The following CTNNA2 variants were observed in gnomAD, a reference collection of about 807,000 sequenced individuals.
CTNNA2 encodes catenin alpha-2.
Under a neutral mutation model 101.0 loss-of-function variants are expected in CTNNA2, and 42 were observed. The observed-to-expected ratio is 0.42, with a 90% confidence interval of 0.32 to 0.54. CTNNA2 has a LOEUF of 0.54. CTNNA2 is among the 20% of genes least tolerant of loss of function. The probability of loss-of-function intolerance (pLI) is 0.14; values close to 1 mark genes in which losing one functional copy is unlikely to be tolerated. For missense variants in CTNNA2, 871 were observed against 1,223.1 expected (o/e 0.71, Z 4.29); for synonymous variants, 450 against 456.4 (o/e 0.99, Z 0.18).
At chr2:79,295,848 C>G (rs950273224) in intron 2 of CTNNA2, among the ~76,000 whole-genome samples, 1 of 149,434 alleles carries the variant, frequency 6.7e-6, no homozygotes, top group Non-Finnish European at 1.5e-5. Context: ...TAATTATATA[C>G]TCTTTGCCAA....
intron 1 of CTNNA2, among the ~76,000 whole-genome samples, chr2:79,196,427 T>A (rs1196545474): frequency 2.0e-5 from 3 of 152,352 alleles, no homozygotes; most frequent in African/African-American, 7.2e-5. Context: ...TTTACCCATA[T>A]AAATCAGTGT....
intron 6 of CTNNA2, among the ~76,000 whole-genome samples, chr2:79,908,097 T>A (rs1395896623): frequency 6.6e-6 from 1 of 152,204 alleles, no homozygotes; most frequent in Non-Finnish European, 1.5e-5. Context: ...CACTTTGTAA[T>A]AACTTAAGCA....
intron 1 of CTNNA2, among the ~76,000 whole-genome samples, chr2:79,549,461 A>C (rs888597331): frequency 6.6e-6 from 1 of 152,228 alleles, no homozygotes; most frequent in Non-Finnish European, 1.5e-5. Context: ...AGATCCCTTC[A>C]GAGTTCAGTA....
chr2:79,771,950 T>C (rs571957509), intron 3 of CTNNA2, among the ~76,000 whole-genome samples: 1 of 152,266 alleles, frequency 6.6e-6, no homozygotes, highest in East Asian at 1.9e-4. Flanking sequence ...GATGTAACAA[T>C]TTCATATGTT....
chr2:79,676,423 G>A (rs1683188689), intron 2 of CTNNA2, among the ~76,000 whole-genome samples: 1 of 152,168 alleles, frequency 6.6e-6, no homozygotes, highest in East Asian at 1.9e-4. Flanking sequence ...TCTGTATCCA[G>A]TTGAGAGCAG....
chr2:80,005,088 G>C (rs1454834758), intron 7 of CTNNA2, among the ~76,000 whole-genome samples: 3 of 152,146 alleles, frequency 2.0e-5, no homozygotes, highest in African/African-American at 7.2e-5. Context: ...ACCCTAATTG[G>C]GAGGCTGGAA....
chr2:80,465,580 C>T (rs918976289), intron 9 of CTNNA2, among the ~76,000 whole-genome samples: 2 of 152,058 alleles, frequency 1.3e-5, no homozygotes, highest in African/African-American at 2.4e-5. Context: ...AAGCTTTCTG[C>T]GATGCTGGTG....
chr2:79,267,507 A>G (rs1310595214), intron 2 of CTNNA2, among the ~76,000 whole-genome samples: 1 of 152,142 alleles, frequency 6.6e-6, no homozygotes, highest in Non-Finnish European at 1.5e-5. Flanking sequence ...TCCCAATACC[A>G]TCAGGTTAGT....
At chr2:80,336,095 C>T (rs760379619) in intron 7 of CTNNA2, among the ~76,000 whole-genome samples, 67 of 152,180 alleles carry the variant, frequency 4.4e-4, no homozygotes, top group Non-Finnish European at 7.6e-4. Flanking sequence ...CAATAACAGA[C>T]TACCTTAGAC....
intron 3 of CTNNA2, among the ~76,000 whole-genome samples, chr2:79,850,984 C>T (rs1425492931): frequency 6.6e-6 from 1 of 152,202 alleles, no homozygotes. Context: ...GGAACCATCC[C>T]AGAAGAAGAC....
At chr2:79,816,911 CT>C (rs1677549274) in intron 3 of CTNNA2, among the ~76,000 whole-genome samples, 1 of 152,156 alleles carries the variant, frequency 6.6e-6, no homozygotes, top group Admixed American at 6.5e-5. Flanking sequence ...CAAATCATAA[CT>C]TTTTCCCCTG....
intron 3 of CTNNA2, among the ~76,000 whole-genome samples, chr2:79,323,605 T>G (rs372688289): frequency 6.6e-6 from 1 of 152,178 alleles, no homozygotes; most frequent in Non-Finnish European, 1.5e-5. Context: ...TGTTACCTTC[T>G]TCATGTTGCC....
At chr2:80,547,881 G>A (rs1382265092) in intron 11 of CTNNA2, among the ~76,000 whole-genome samples, 1 of 151,726 alleles carries the variant, frequency 6.6e-6, no homozygotes, top group Admixed American at 6.6e-5. Flanking sequence ...TAGTAGAGAC[G>A]GGGTTTCTCC....
chr2:80,030,216 G>T (rs1393728280), intron 7 of CTNNA2, among the ~76,000 whole-genome samples: 2 of 148,038 alleles, frequency 1.4e-5, no homozygotes, highest in Admixed American at 6.7e-5. Context: ...ACATTTTTGA[G>T]ATGAGAATTA....
At chr2:80,431,581 T>C (rs1681510913) in intron 9 of CTNNA2, among the ~76,000 whole-genome samples, 1 of 152,236 alleles carries the variant, frequency 6.6e-6, no homozygotes, top group Non-Finnish European at 1.5e-5. Context: ...GTTTCCCAGG[T>C]GGCCTCACAC....
chr2:79,255,310 C>T (rs1674829477), intron 2 of CTNNA2, among the ~76,000 whole-genome samples: 1 of 152,136 alleles, frequency 6.6e-6, no homozygotes, highest in Admixed American at 6.6e-5. Flanking sequence ...TCTTTCCAAC[C>T]ATGGAAAGTT....
chr2:80,591,181 C>T (rs1696453613), intron 15 of CTNNA2, among the ~76,000 whole-genome samples: 1 of 152,138 alleles, frequency 6.6e-6, no homozygotes, highest in South Asian at 2.1e-4. Context: ...TTAAATAAGA[C>T]ACATGTCTGT....
upstream of CTNNA2, among the ~76,000 whole-genome samples, chr2:79,508,955 GTATATATATATATATATA>G (rs530470576): frequency 5.3e-3 from 481 of 90,856 alleles, 5 homozygotes; most frequent in Admixed American, 6.9e-3. Context: ...CACCATTGCA[GTATATATATATATATATA>G]TATATATATA....
intron 2 of CTNNA2, among the ~76,000 whole-genome samples, chr2:79,219,940 T>G (rs150198116): frequency 6.6e-6 from 1 of 152,322 alleles, no homozygotes; most frequent in African/African-American, 2.4e-5. Context: ...AAAGCGCTCT[T>G]TGCTTTAAAG....
Sources: gnomAD v4.1 joint callset for allele counts (sites outside exome capture counted in the v4.1 genomes callset) on GRCh38, gnomAD v4.1.1 for gene constraint, MANE v1.5 for transcripts, NCBI Gene and HGNC (gene_info 2026-07-23, HGNC 2026-07-21) for gene names.